Variants in ZC3H12B observed in about 807,000 individuals in gnomAD.
The protein encoded by ZC3H12B is zinc finger CCCH-type containing 12B, also known as probable ribonuclease ZC3H12B.
A neutral mutation model predicts 43.9 loss-of-function variants in ZC3H12B; 7 were observed. The ratio of observed to expected loss-of-function variants is 0.16; its 90% CI spans 0.09 to 0.30. The LOEUF (loss-of-function observed/expected upper bound fraction) is 0.30. Among genes scored for constraint, ZC3H12B ranks in the 10% least tolerant of loss-of-function variants. ZC3H12B has a pLI of 1.00. For missense variants in ZC3H12B, 475 were observed against 670.2 expected (o/e 0.71, Z 3.22); for synonymous variants, 222 against 241.7 (o/e 0.92, Z 0.76).
chrX:65,452,671 T>A (rs1225375476), intron 3 of ZC3H12B, among the ~76,000 whole-genome samples: 1 of 111,339 alleles, frequency 9.0e-6, no homozygotes, highest in Non-Finnish European at 1.9e-5. Context: ...TGAAACCCCA[T>A]CTCTACTAAA....
At chrX:65,175,097 G>T in the ZC3H12B span, among the ~76,000 whole-genome samples, 1 of 111,902 alleles carries the variant, frequency 8.9e-6, no homozygotes, top group Non-Finnish European at 1.9e-5. Context: ...GGGCCAGATA[G>T]CACAGTTCCT....
chrX:65,204,212 G>T, the ZC3H12B span, among the ~76,000 whole-genome samples: 2 of 112,021 alleles, frequency 1.8e-5, no homozygotes, highest in Admixed American at 9.5e-5. Context: ...TTATTCATCT[G>T]ATTTTTGGTT....
At chrX:65,402,227 T>C (rs1297892474) in intron 3 of ZC3H12B, among the ~76,000 whole-genome samples, 1 of 112,063 alleles carries the variant, frequency 8.9e-6, no homozygotes, top group Non-Finnish European at 1.9e-5. Flanking sequence ...GAAGGTTCTC[T>C]TCCTTTGGAA....
At chrX:65,332,847 C>T in the ZC3H12B span, among the ~76,000 whole-genome samples, 1 of 111,828 alleles carries the variant, frequency 8.9e-6, no homozygotes, top group African/African-American at 3.2e-5. Flanking sequence ...TTTCTCTCTC[C>T]AGTCTCCCAT....
chrX:65,138,776 G>A, the ZC3H12B span, among the ~76,000 whole-genome samples: 1 of 111,075 alleles, frequency 9.0e-6, no homozygotes, highest in African/African-American at 3.3e-5. Context: ...TTTGATAATA[G>A]CCATTGTAAC....
the ZC3H12B span, among the ~76,000 whole-genome samples, chrX:65,233,214 C>T: frequency 2.3e-3 from 259 of 111,724 alleles, 2 homozygotes; most frequent in African/African-American, 7.8e-3. Flanking sequence ...AGCAAAGAAA[C>T]ATTGGACTTA....
At chrX:65,232,196 G>T in the ZC3H12B span, among the ~76,000 whole-genome samples, 7 of 111,124 alleles carry the variant, frequency 6.3e-5, no homozygotes, top group South Asian at 3.8e-4. Context: ...AGCTGAGATC[G>T]CACCACTGCA....
At chrX:65,100,122 G>T in the ZC3H12B span, among the ~76,000 whole-genome samples, 45 of 111,469 alleles carry the variant, frequency 4.0e-4, no homozygotes, top group South Asian at 7.6e-4. Context: ...TGATGAAGTG[G>T]AAGAAAGGAT....
chrX:65,366,017 T>C (rs779294379), upstream of ZC3H12B, among the ~76,000 whole-genome samples: 2 of 110,878 alleles, frequency 1.8e-5, no homozygotes, highest in Non-Finnish European at 3.8e-5. Context: ...AAAGAATATA[T>C]ATATTTAAGT....
At chrX:65,211,096 A>T in the ZC3H12B span, among the ~76,000 whole-genome samples, 2 of 105,698 alleles carry the variant, frequency 1.9e-5, no homozygotes, top group Non-Finnish European at 3.9e-5. Context: ...AAGAAAAAAA[A>T]AAAAAAAAGA....
the ZC3H12B span, among the ~76,000 whole-genome samples, chrX:65,243,066 C>A: frequency 3.6e-5 from 4 of 111,726 alleles, no homozygotes; most frequent in Admixed American, 1.9e-4. Context: ...TCAGTCTGGG[C>A]AAAGATGTTT....
At chrX:65,067,482 A>T in the ZC3H12B span, among the ~76,000 whole-genome samples, 4 of 109,452 alleles carry the variant, frequency 3.7e-5, no homozygotes, top group African/African-American at 1.3e-4. Flanking sequence ...CCACTGTCTA[A>T]CCAGTCCCAG....
chrX:65,209,700 G>A, the ZC3H12B span, among the ~76,000 whole-genome samples: 7 of 109,729 alleles, frequency 6.4e-5, no homozygotes, highest in African/African-American at 2.3e-4. Flanking sequence ...AAACAGCATG[G>A]TACTGGTACC....
the ZC3H12B span, among the ~76,000 whole-genome samples, chrX:65,305,803 G>A: frequency 7.9e-3 from 888 of 111,799 alleles, 2 homozygotes; most frequent in Middle Eastern, 0.014. Flanking sequence ...GCAGATTAAA[G>A]GGACAGTGTG....
At chrX:65,109,631 T>A in the ZC3H12B span, among the ~76,000 whole-genome samples, 1 of 111,998 alleles carries the variant, frequency 8.9e-6, no homozygotes, top group Non-Finnish European at 1.9e-5. Context: ...ATCTTTTGGT[T>A]GTTATGAATA....
chrX:65,161,846 A>C, the ZC3H12B span, among the ~76,000 whole-genome samples: 1 of 111,779 alleles, frequency 8.9e-6, no homozygotes, highest in Non-Finnish European at 1.9e-5. Flanking sequence ...TAGTTGATGC[A>C]GTTTCTTCCT....
At chrX:65,489,069 A>G (rs372977170) in exon 1 of ZC3H12B, 2 of 1,212,002 alleles carry the variant, frequency 1.7e-6, no homozygotes, top group Non-Finnish European at 2.2e-6. Flanking sequence ...AGATCGTCCA[A>G]GTTTCTCCCA....
the ZC3H12B span, among the ~76,000 whole-genome samples, chrX:65,192,921 G>A: frequency 4.5e-5 from 5 of 110,033 alleles, no homozygotes; most frequent in East Asian, 2.9e-4. Flanking sequence ...CTACAGGTGC[G>A]TGCCACCACC....
chrX:65,124,345 G>T, the ZC3H12B span, among the ~76,000 whole-genome samples: 1 of 111,143 alleles, frequency 9.0e-6, no homozygotes, highest in Non-Finnish European at 1.9e-5. Flanking sequence ...AAACCCACTT[G>T]ATTATGGTAG....
Sources: allele counts gnomAD v4.1 joint callset (sites outside exome capture counted in the v4.1 genomes callset), GRCh38; gene constraint gnomAD v4.1.1; transcripts MANE v1.5; gene names NCBI Gene and HGNC (gene_info 2026-07-23, HGNC 2026-07-21).